Variants in MGRN1 observed in about 807,000 individuals in gnomAD.
MGRN1 encodes the protein mahogunin ring finger 1.
A neutral mutation model predicts 69.2 loss-of-function variants in MGRN1; 29 were observed. The ratio of observed to expected loss-of-function variants is 0.42; its 90% CI spans 0.31 to 0.57. The LOEUF is 0.57. Ranked by LOEUF, MGRN1 falls within the 20% of genes least tolerant of loss-of-function variation. MGRN1 has a pLI of 0.15. For synonymous variants in MGRN1, 470 were observed against 344.2 expected (o/e 1.37, Z -4.04); for missense variants, 998 against 796.2 (o/e 1.25, Z -3.05).
chr16:4,659,757 C>T (rs1177123977), intron 5 of MGRN1, among the ~76,000 whole-genome samples: 2 of 152,218 alleles, frequency 1.3e-5, no homozygotes, highest in African/African-American at 4.8e-5. Context: ...GACAGAAAAA[C>T]ATTTGGTCTG....
intron 1 of MGRN1, among the ~76,000 whole-genome samples, chr16:4,645,657 G>C (rs1490858456): frequency 6.6e-6 from 1 of 152,206 alleles, no homozygotes; most frequent in African/African-American, 2.4e-5. Flanking sequence ...GCCTCGTGGA[G>C]AGAGCAGCCT....
intron 9 of MGRN1, chr16:4,672,347 C>A: frequency 2.2e-6 from 1 of 456,686 alleles, no homozygotes; most frequent in Non-Finnish European, 4.4e-6. Flanking sequence ...CACGCCTGGT[C>A]GATGAACTTG....
At chr16:4,637,043 T>C (rs963979140) in intron 1 of MGRN1, among the ~76,000 whole-genome samples, 9 of 142,632 alleles carry the variant, frequency 6.3e-5, no homozygotes, top group African/African-American at 2.1e-4. Flanking sequence ...GGCGTGAACC[T>C]GGGAGGTGGA....
intron 12 of MGRN1, 24 bp downstream of exon 12, chr16:4,680,121 C>A: frequency 6.2e-7 from 1 of 1,611,120 alleles, no homozygotes; most frequent in Non-Finnish European, 8.5e-7. Context: ...CCTCCGGCTA[C>A]GTTTTTTTGC....
chr16:4,637,662 G>C (rs1407257120), intron 1 of MGRN1, among the ~76,000 whole-genome samples: 1 of 152,218 alleles, frequency 6.6e-6, no homozygotes, highest in Non-Finnish European at 1.5e-5. Flanking sequence ...GCCTCTGTTC[G>C]GCTCCAGCCT....
chr16:4,657,439 G>A, intron 5 of MGRN1, 76 bp downstream of exon 5: 1 of 1,395,670 alleles, frequency 7.2e-7, no homozygotes, highest in Non-Finnish European at 1.0e-6. Flanking sequence ...CCAGCACAGT[G>A]GGGTCTGTGT....
Position 4,671,414 on chromosome 16 carries a change from G to T in MGRN1, c.750G>T (p.Leu250=), listed in dbSNP as rs143238165. ...AGGTGGACCGGGTCAGCTACCTCCT[G>T]CAGGAGATCTATGGCATTGAGAACA... is the stretch of plus-strand genomic sequence containing the variant. The part of the protein sequence containing the change: ...KQIVDRVSYL[L]QEIYGIENKN... Residue 250 remains leucine, a synonymous_variant, in exon 9 of 17, where the codon CTG becomes CTT. Coordinates refer to ENST00000262370, the MANE Select transcript of MGRN1 (RefSeq NM_015246.4). The T allele has an allele frequency of 3.1e-6, 5 of 1,614,068 alleles. No individual in the cohort carries two copies. The highest frequency in any genetic ancestry group is 1.7e-4 in the Middle Eastern group (1 of 6,058).
intron 16 of MGRN1, among the ~76,000 whole-genome samples, chr16:4,684,989 G>A (rs959452629): frequency 3.3e-5 from 5 of 152,338 alleles, no homozygotes; most frequent in South Asian, 2.1e-4. Context: ...TTGTGCCCCC[G>A]GACTCTGGCT....
intron 1 of MGRN1, among the ~76,000 whole-genome samples, chr16:4,639,090 C>G (rs779900378): frequency 1.3e-5 from 2 of 152,172 alleles, no homozygotes; most frequent in Non-Finnish European, 2.9e-5. Context: ...CTGTCAAACA[C>G]CAGTAACAAC....
chr16:4,629,025 C>T (rs574155604), intron 1 of MGRN1, among the ~76,000 whole-genome samples: 8 of 151,682 alleles, frequency 5.3e-5, no homozygotes, highest in Middle Eastern at 3.4e-3. Flanking sequence ...TTAGTAGACA[C>T]GGGGTTTCAC....
intron 1 of MGRN1, among the ~76,000 whole-genome samples, chr16:4,642,425 G>A (rs1490916779): frequency 6.6e-6 from 1 of 151,850 alleles, no homozygotes; most frequent in African/African-American, 2.4e-5. Flanking sequence ...AGCCTTCTGA[G>A]TAGCTGGGAT....
intron 1 of MGRN1, among the ~76,000 whole-genome samples, chr16:4,639,178 C>CCG (rs1189154270): frequency 6.6e-6 from 1 of 152,130 alleles, no homozygotes; most frequent in Admixed American, 6.5e-5. Flanking sequence ...GGATGCGGGG[C>CCG]CGTGGACAGT....
intron 1 of MGRN1, among the ~76,000 whole-genome samples, chr16:4,642,336 C>T (rs1032710754): frequency 6.6e-6 from 1 of 151,840 alleles, no homozygotes; most frequent in Non-Finnish European, 1.5e-5. Flanking sequence ...CGTCTTCTGT[C>T]ACCCAGGCTG....
intron 1 of MGRN1, among the ~76,000 whole-genome samples, chr16:4,625,810 C>G (rs969579705): frequency 6.6e-6 from 1 of 152,216 alleles, no homozygotes; most frequent in Admixed American, 6.5e-5. Context: ...AGCTCCAAGT[C>G]TCACCCTCCA....
chr16:4,650,515 G>A (rs1305346766), intron 2 of MGRN1, 32 bp downstream of exon 2: 3 of 1,533,034 alleles, frequency 2.0e-6, no homozygotes, highest in Non-Finnish European at 1.8e-6. Context: ...TCATGGGGCT[G>A]TGGGGGTGGG....
chr16:4,673,767 A>G, intron 10 of MGRN1, 110 bp downstream of exon 10: 1 of 1,356,088 alleles, frequency 7.4e-7, no homozygotes, highest in Non-Finnish European at 1.0e-6. Context: ...CTAAGAAAGA[A>G]GAGTTGTCAT....
At chr16:4,628,748 T>G (rs1013401275) in intron 1 of MGRN1, among the ~76,000 whole-genome samples, 2 of 152,228 alleles carry the variant, frequency 1.3e-5, no homozygotes, top group African/African-American at 4.8e-5. Context: ...TTTCACCATA[T>G]TGGCCAGTCT....
At chr16:4,688,096 G>T (rs753567290) in intron 16 of MGRN1, 9 of 985,446 alleles carry the variant, frequency 9.1e-6, no homozygotes, top group Non-Finnish European at 1.1e-5. Flanking sequence ...GAAAATAGAC[G>T]CCCTTCACCG....
chr16:4,646,010 G>A (rs2078266529), intron 1 of MGRN1, among the ~76,000 whole-genome samples: 1 of 152,172 alleles, frequency 6.6e-6, no homozygotes, highest in Non-Finnish European at 1.5e-5. Context: ...AGAAAGACTC[G>A]ACGTCTCTTT....
Sources: gnomAD v4.1 joint callset for allele counts (sites outside exome capture counted in the v4.1 genomes callset) on GRCh38, gnomAD v4.1.1 for gene constraint, MANE v1.5 for transcripts, NCBI Gene and HGNC (gene_info 2026-07-23, HGNC 2026-07-21) for gene names.